The following OPCML variants were observed in gnomAD, a reference collection of about 807,000 sequenced individuals.
OPCML encodes opioid-binding protein/cell adhesion molecule.
A neutral mutation model predicts 37.8 loss-of-function variants in OPCML; 13 were observed. The observed-to-expected ratio is 0.34, with a 90% CI of 0.22 to 0.55. The LOEUF (loss-of-function observed/expected upper bound fraction) is 0.55. Ranked by LOEUF, OPCML falls within the 20% of genes least tolerant of loss-of-function variation. The probability of loss-of-function intolerance (pLI) is 0.91; values close to 1 mark genes in which losing one functional copy is unlikely to be tolerated. For synonymous variants in OPCML, 176 were observed against 168.8 expected, an observed-to-expected ratio of 1.04 and a Z score of -0.33; for missense variants, 341 against 435.6, an observed-to-expected ratio of 0.78 and a Z score of 1.93.
intron 2 of OPCML, among the ~76,000 whole-genome samples, chr11:132,863,457 T>C (rs1942393637): frequency 6.6e-6 from 1 of 152,158 alleles, no homozygotes; most frequent in African/African-American, 2.4e-5. Context: ...TACTCCCAAA[T>C]GAAGGCCTCA....
At chr11:132,431,846 C>G (rs1366255780) in intron 7 of OPCML, among the ~76,000 whole-genome samples, 2 of 152,168 alleles carry the variant, frequency 1.3e-5, no homozygotes, top group African/African-American at 4.8e-5. Context: ...AGAGTAAATA[C>G]AAATGCATGC....
At chr11:132,426,994 TGTA>T (rs1426523516) in intron 7 of OPCML, among the ~76,000 whole-genome samples, 4 of 152,184 alleles carry the variant, frequency 2.6e-5, no homozygotes, top group African/African-American at 9.7e-5. Context: ...GGCTTAAAAA[TGTA>T]GTGTATATAA....
At chr11:132,636,411 CTTTAT>C (rs1202061369) in intron 3 of OPCML, among the ~76,000 whole-genome samples, 2 of 152,180 alleles carry the variant, frequency 1.3e-5, no homozygotes, top group African/African-American at 4.8e-5. Context: ...TAGCTTTGCA[CTTTAT>C]TTAACTAATT....
intron 1 of OPCML, among the ~76,000 whole-genome samples, chr11:133,472,749 C>T (rs1947146400): frequency 6.6e-6 from 1 of 151,998 alleles, no homozygotes; most frequent in Non-Finnish European, 1.5e-5. Flanking sequence ...GACAAATCTT[C>T]CAGTGTTTCT....
At chr11:133,398,197 C>G (rs1945327650) in intron 1 of OPCML, among the ~76,000 whole-genome samples, 2 of 152,322 alleles carry the variant, frequency 1.3e-5, no homozygotes, top group South Asian at 2.1e-4. Context: ...AGACCTCCCT[C>G]ATGGCAATTA....
intron 2 of OPCML, among the ~76,000 whole-genome samples, chr11:132,748,624 C>G (rs528701574): frequency 6.6e-6 from 1 of 152,032 alleles, no homozygotes; most frequent in Non-Finnish European, 1.5e-5. Context: ...AAGGAGAGAG[C>G]GGTGCGAGGG....
chr11:132,952,776 G>A lies in OPCML; in HGVS notation c.62-9766C>T, dbSNP rs1945889155. On this transcript the variant is annotated intron_variant, in intron 1 of 7. Transcript: ENST00000524381. ...GAGAGCTTCCTCACAGGATGGCTGT[G>A]AGCGCGGTGATGCATGGGAAAGTGC... Among the ~76,000 whole-genome samples, 3 of 152,128 alleles carry A rather than the reference G, an allele frequency of 2.0e-5. No individual in the cohort carries two copies. In the South Asian group the frequency reaches 6.2e-4, roughly 32 times the overall value.
chr11:133,304,380 T>A (rs1331639968), intron 1 of OPCML, among the ~76,000 whole-genome samples: 2 of 152,164 alleles, frequency 1.3e-5, no homozygotes, highest in African/African-American at 4.8e-5. Flanking sequence ...GAGGACAGAA[T>A]AAACTTAGTA....
At chr11:132,674,703 A>T (rs1289188669) in intron 2 of OPCML, among the ~76,000 whole-genome samples, 1 of 152,168 alleles carries the variant, frequency 6.6e-6, no homozygotes, top group African/African-American at 2.4e-5. Flanking sequence ...ACATTATATA[A>T]GTGATTCAGG....
chr11:132,577,477 A>G (rs1396607250), intron 3 of OPCML, among the ~76,000 whole-genome samples: 1 of 152,230 alleles, frequency 6.6e-6, no homozygotes, highest in African/African-American at 2.4e-5. Context: ...AAACATATAC[A>G]TAGGAGATTG....
At chr11:133,024,251 G>T in intron 1 of OPCML, 1 of 668,620 alleles carries the variant, frequency 1.5e-6, no homozygotes, top group Non-Finnish European at 1.8e-6. Flanking sequence ...GGGGGCTGGG[G>T]TGAGAAGCGA....
intron 1 of OPCML, among the ~76,000 whole-genome samples, chr11:132,994,849 C>T (rs1166340111): frequency 2.6e-5 from 4 of 152,188 alleles, no homozygotes; most frequent in African/African-American, 4.8e-5. Flanking sequence ...ACCTCAGGAA[C>T]GCTTAATGGA....
intron 2 of OPCML, among the ~76,000 whole-genome samples, chr11:132,862,771 G>GA (rs1312578707): frequency 6.6e-6 from 1 of 152,094 alleles, no homozygotes; most frequent in Non-Finnish European, 1.5e-5. Context: ...GTGAGTTACA[G>GA]AAAAAAGCCC....
intron 1 of OPCML, among the ~76,000 whole-genome samples, chr11:133,091,544 A>T (rs1366035894): frequency 6.6e-6 from 1 of 152,250 alleles, no homozygotes; most frequent in Non-Finnish European, 1.5e-5. Flanking sequence ...CAGTGTGTCC[A>T]GGAGGTGAGA....
chr11:132,883,741 C>T (rs1332293264), intron 2 of OPCML, among the ~76,000 whole-genome samples: 2 of 152,100 alleles, frequency 1.3e-5, no homozygotes, highest in Non-Finnish European at 2.9e-5. Flanking sequence ...ATATTTAGCT[C>T]ATCAATCCTT....
chr11:133,517,250 GA>G (rs1948300097), intron 1 of OPCML, among the ~76,000 whole-genome samples: 1 of 152,046 alleles, frequency 6.6e-6, no homozygotes, highest in Admixed American at 6.5e-5. Context: ...TTATATATAA[GA>G]AAAAATATGT....
At chr11:132,645,446 G>A (rs562314519) in intron 3 of OPCML, among the ~76,000 whole-genome samples, 2 of 152,210 alleles carry the variant, frequency 1.3e-5, no homozygotes, top group African/African-American at 4.8e-5. Context: ...TATTTTTATG[G>A]ATTAATAACC....
At chr11:132,780,362 C>G (rs941794487) in intron 2 of OPCML, among the ~76,000 whole-genome samples, 1 of 152,198 alleles carries the variant, frequency 6.6e-6, no homozygotes, top group Non-Finnish European at 1.5e-5. Context: ...AGGACAGCAG[C>G]TTTTTTGATG....
At chr11:133,040,816 A>G (rs1947878447) in intron 1 of OPCML, among the ~76,000 whole-genome samples, 1 of 152,184 alleles carries the variant, frequency 6.6e-6, no homozygotes, top group South Asian at 2.1e-4. Flanking sequence ...GGATGGGAGA[A>G]GGAGAAAGGG....
Sources: gnomAD v4.1 joint callset for allele counts (sites outside exome capture counted in the v4.1 genomes callset) on GRCh38, gnomAD v4.1.1 for gene constraint, MANE v1.5 for transcripts, NCBI Gene and HGNC (gene_info 2026-07-23, HGNC 2026-07-21) for gene names.